Variants in PLPP3 observed in about 807,000 individuals in gnomAD.
The protein encoded by PLPP3 is phospholipid phosphatase 3, also known as PAP2 beta.
Under a neutral mutation model 29.6 loss-of-function variants are expected in PLPP3, and 6 were observed. That is an observed-to-expected ratio of 0.20 (90% CI 0.11 to 0.40). The LOEUF (loss-of-function observed/expected upper bound fraction) is 0.40. Ranked by LOEUF, PLPP3 falls within the 10% of genes least tolerant of loss-of-function variation. PLPP3 has a pLI of 1.00. For synonymous variants in PLPP3, 152 were observed against 159.7 expected (o/e 0.95, Z 0.36); for missense variants, 308 against 407.7 (o/e 0.76, Z 2.11).
chr1:56,556,276 TA>T (rs1646075935), intron 1 of PLPP3, among the ~76,000 whole-genome samples: 1 of 152,106 alleles, frequency 6.6e-6, no homozygotes, highest in African/African-American at 2.4e-5. Context: ...GGTGTCCCTA[TA>T]AAATGGGGGA....
chr1:56,571,259 G>A (rs1646196244), intron 1 of PLPP3, among the ~76,000 whole-genome samples: 1 of 152,220 alleles, frequency 6.6e-6, no homozygotes, highest in Admixed American at 6.5e-5. Context: ...AATGACTGCA[G>A]CAACTACCTC....
chr1:56,543,382 C>A (rs1235944752), intron 1 of PLPP3, among the ~76,000 whole-genome samples: 2 of 152,146 alleles, frequency 1.3e-5, no homozygotes, highest in African/African-American at 4.8e-5. Flanking sequence ...GGTTTTGAAC[C>A]CACATCTGTC....
At chr1:56,510,119 G>C (rs1158218974) in intron 5 of PLPP3, among the ~76,000 whole-genome samples, 1 of 152,128 alleles carries the variant, frequency 6.6e-6, no homozygotes, top group Non-Finnish European at 1.5e-5. Flanking sequence ...GGGTGCAGGG[G>C]ACTCCAATTA....
At chr1:56,555,785 C>T (rs1646072751) in intron 1 of PLPP3, among the ~76,000 whole-genome samples, 1 of 152,160 alleles carries the variant, frequency 6.6e-6, no homozygotes, top group Non-Finnish European at 1.5e-5. Flanking sequence ...CTGGGGATTA[C>T]AGGTGTGAGC....
chr1:56,578,930 G>A lies in PLPP3; in HGVS notation c.87C>T (p.Ser29=). 1 of 1,605,464 alleles carries A rather than the reference G, an allele frequency of 6.2e-7. No individual in the cohort carries two copies. The highest frequency in any genetic ancestry group is 1.1e-5 in the South Asian group (1 of 90,650). The change falls in exon 1 of 6, where the codon AGC becomes AGT. Residue 29 remains serine, a synonymous_variant. Coordinates refer to ENST00000371250, the MANE Select transcript of PLPP3 (RefSeq NM_003713.5). ...AGATGAGCAGCACCCGCTTGCTGCC[G>A]CTCCTCCTCGGGTTGTTGTTGAGCG... ...SPALNNNPRR[S]GSKRVLLICL...
chr1:56,553,095 T>C (rs1046692579), intron 1 of PLPP3, among the ~76,000 whole-genome samples: 5 of 152,120 alleles, frequency 3.3e-5, no homozygotes, highest in African/African-American at 9.7e-5. Context: ...CTGGGAGATG[T>C]GCAACCCAGA....
At chr1:56,504,342 ATC>A (rs1174641547) in intron 5 of PLPP3, among the ~76,000 whole-genome samples, 1 of 152,150 alleles carries the variant, frequency 6.6e-6, no homozygotes, top group Non-Finnish European at 1.5e-5. Context: ...GAGAACAGGA[ATC>A]TATGCCAAGG....
chr1:56,521,384 G>C (rs1645818692), intron 4 of PLPP3, among the ~76,000 whole-genome samples: 4 of 152,080 alleles, frequency 2.6e-5, no homozygotes, highest in Admixed American at 2.6e-4. Flanking sequence ...ATCTTCACAG[G>C]TTGTTTTAGG....
Position 56,519,687 on chromosome 1 carries a change from G to A in PLPP3, c.633+4136C>T, listed in dbSNP as rs535585190. Among the ~76,000 whole-genome samples, 16 of 151,854 alleles carry A rather than the reference G, an allele frequency of 1.1e-4. 1 individual carries two copies. The South Asian group carries it at 3.3e-3, about 32-fold the overall frequency. On this transcript the variant is annotated intron_variant, in intron 4 of 5. Transcript: ENST00000371250. Reference sequence around the variant, plus strand: ...GTCAATACAGACGTGGTCCTCTGGGGTTCAGGCCAGGGCTCAGAGGTATAA... The same window carrying A: ...GTCAATACAGACGTGGTCCTCTGGGATTCAGGCCAGGGCTCAGAGGTATAA...
Position 56,494,935 on chromosome 1 carries a change from A to G in PLPP3, c.*1616T>C, listed in dbSNP as rs1322775273. On this transcript the variant is annotated 3_prime_UTR_variant, in exon 6 of 6. Transcript: ENST00000371250. Reference sequence around the variant, plus strand: ...TTTTTATACAGTTTTCTCTAGTTGCAGTTATTTCATTATAAAACAATGTCT... The same window carrying G: ...TTTTTATACAGTTTTCTCTAGTTGCGGTTATTTCATTATAAAACAATGTCT... The G allele has an allele frequency of 2.0e-5, 3 of 152,598 alleles. No homozygotes were observed. Among genetic ancestry groups the G allele is most frequent in the African/African-American group, 7.2e-5 (3 of 41,452 alleles). 9.5% of individuals were successfully genotyped at this position (152,598 alleles called of 1,614,324 possible). A position where few individuals can be genotyped will look rare whatever the true frequency, so the allele number is the denominator to read the frequency against.
At chr1:56,532,682 CCT>C (rs1254254733) in intron 2 of PLPP3, among the ~76,000 whole-genome samples, 2 of 152,138 alleles carry the variant, frequency 1.3e-5, no homozygotes, top group African/African-American at 4.8e-5. Flanking sequence ...CTCTGTGAAT[CCT>C]CTGATATCTT....
At chr1:56,519,746 GTT>G (rs112097512) in intron 4 of PLPP3, among the ~76,000 whole-genome samples, 7 of 139,870 alleles carry the variant, frequency 5.0e-5, no homozygotes, top group East Asian at 2.0e-4. Flanking sequence ...CTGTGGGTTT[GTT>G]TTTTTTTTTT....
rs529927455 is a variant in PLPP3 at position 56,563,826 on chromosome 1, C to T, written c.139+15052G>A. Among the ~76,000 whole-genome samples the T allele has an allele frequency of 1.7e-4, 26 of 152,306 alleles. No individual in the cohort carries two copies. The South Asian group carries it at 5.2e-3, about 30-fold the overall frequency. ...AAGTGAGTTAATAACGTATGAAAAG[C>T]CCCTAGCTCACTGCCTGCCACATAT... On this transcript the variant is annotated intron_variant, in intron 1 of 5. Transcript: ENST00000371250.
chr1:56,515,834 TG>T (rs1645776964), intron 4 of PLPP3, among the ~76,000 whole-genome samples: 2 of 152,074 alleles, frequency 1.3e-5, no homozygotes, highest in Admixed American at 6.6e-5. Flanking sequence ...ACTTACTAAG[TG>T]GGTGGTCAGT....
At chr1:56,518,567 G>A (rs1244401005) in intron 4 of PLPP3, among the ~76,000 whole-genome samples, 1 of 152,084 alleles carries the variant, frequency 6.6e-6, no homozygotes. Context: ...AGTGTCAGAA[G>A]ACCTGAAATT....
At chr1:56,565,134 T>C (rs1474664730) in intron 1 of PLPP3, among the ~76,000 whole-genome samples, 1 of 152,224 alleles carries the variant, frequency 6.6e-6, no homozygotes, top group Non-Finnish European at 1.5e-5. Flanking sequence ...TGAAATCTGC[T>C]GTGTGGCTGA....
intron 2 of PLPP3, among the ~76,000 whole-genome samples, chr1:56,534,151 A>T (rs150973027): frequency 0.01 from 1,570 of 152,302 alleles, 21 homozygotes; most frequent in African/African-American, 0.036. Flanking sequence ...AAACTGAGAG[A>T]TAGGAGATGA....
In PLPP3 at chr1:56,520,183, T is replaced by C. The variant is rs191243066; in HGVS notation, c.633+3640A>G. ...GAAAAGTGGCAACAACTCTGCAAAA[T>C]AGACATGATCACTTCCACTTTCCAG... On this transcript the variant is annotated intron_variant, in intron 4 of 5. Coordinates refer to ENST00000371250, the MANE Select transcript of PLPP3 (RefSeq NM_003713.5). Among the ~76,000 whole-genome samples, 379 of 152,228 alleles carry C rather than the reference T, an allele frequency of 2.5e-3. 5 individuals are homozygous for C. Among genetic ancestry groups the C allele is most frequent in the Non-Finnish European group, 2.4e-3 (165 of 68,000 alleles).
chr1:56,557,000 A>AAG (rs1646082583), intron 1 of PLPP3, among the ~76,000 whole-genome samples: 1 of 10,706 alleles, frequency 9.3e-5, no homozygotes, highest in African/African-American at 3.5e-4. Flanking sequence ...GAAAGAAAGA[A>AAG]AGAAAGAAAG....
Sources: allele counts gnomAD v4.1 joint callset (sites outside exome capture counted in the v4.1 genomes callset), GRCh38; gene constraint gnomAD v4.1.1; transcripts MANE v1.5; gene names NCBI Gene and HGNC (gene_info 2026-07-23, HGNC 2026-07-21).